RHBDD1: variants seen among roughly 807,000 people sequenced by gnomAD.
RHBDD1 encodes rhomboid-related protein 4.
RHBDD1 carries 38 observed loss-of-function variants against 36.3 expected under a neutral mutation model. That is an observed-to-expected ratio of 1.05 (90% confidence interval 0.81 to 1.37). The LOEUF (loss-of-function observed/expected upper bound fraction) is 1.37, where lower values mean the gene tolerates loss of function less well. Among genes scored for constraint, RHBDD1 ranks in the 40% most tolerant of loss-of-function variants. The pLI is 0.00. For synonymous variants in RHBDD1, 151 were observed against 136.5 expected (o/e 1.11, Z -0.74); for missense variants, 393 against 377.6 (o/e 1.04, Z -0.34).
chr2:226,975,814 G>A (rs1954462069), intron 8 of RHBDD1, among the ~76,000 whole-genome samples: 1 of 152,168 alleles, frequency 6.6e-6, no homozygotes, highest in African/African-American at 2.4e-5. Context: ...TGTTTGAAAA[G>A]AGATAATACA....
At chr2:226,951,311 G>A (rs1194133103) in intron 8 of RHBDD1, among the ~76,000 whole-genome samples, 1 of 152,048 alleles carries the variant, frequency 6.6e-6, no homozygotes, top group African/African-American at 2.4e-5. Flanking sequence ...ATACAATTCA[G>A]CGAATAACAA....
chr2:226,976,376 G>A (rs1954582914), intron 8 of RHBDD1, among the ~76,000 whole-genome samples: 2 of 151,292 alleles, frequency 1.3e-5, no homozygotes, highest in African/African-American at 4.9e-5. Flanking sequence ...GTCTGCTTCA[G>A]CTGCTTTGAC....
chr2:226,867,288 A>G lies in RHBDD1; in HGVS notation c.536A>G (p.Glu179Gly). 1 of 1,613,694 alleles carries G rather than the reference A, an allele frequency of 6.2e-7. No individual in the cohort carries two copies. Among genetic ancestry groups the G allele is most frequent in the Non-Finnish European group, 8.5e-7 (1 of 1,179,872 alleles). The change falls in exon 5 of 9, where the codon GAA becomes GGA. Residue 179 changes from glutamate (E) to glycine (G), a missense_variant. Transcript: ENST00000392062. Reference protein sequence around the residue: ...PVPNRFACWVELVAIHLFSPG... With the variant: ...PVPNRFACWVGLVAIHLFSPG... ...CCGAACAGATTTGCTTGTTGGGTCG[A>G]ACTTGTGGCTATTCATTTATTCTCA...
At chr2:226,956,422 G>A (rs1039825808) in intron 8 of RHBDD1, among the ~76,000 whole-genome samples, 4 of 152,136 alleles carry the variant, frequency 2.6e-5, no homozygotes, top group Non-Finnish European at 4.4e-5. Context: ...TGATTCCCCA[G>A]GAGACATGCA....
chr2:226,987,076 A>T (rs943558498), intron 8 of RHBDD1, among the ~76,000 whole-genome samples: 1 of 152,176 alleles, frequency 6.6e-6, no homozygotes, highest in African/African-American at 2.4e-5. Context: ...GTAACACAGG[A>T]ACAGAAAACC....
At chr2:226,803,892 G>C in the RHBDD1 span, 4 of 152,212 alleles carry the variant, frequency 2.6e-5, no homozygotes, top group African/African-American at 9.6e-5. Flanking sequence ...TTATAATGCA[G>C]GTTCTGGTTA....
At chr2:226,957,490 A>G (rs1951858366) in intron 8 of RHBDD1, among the ~76,000 whole-genome samples, 1 of 152,142 alleles carries the variant, frequency 6.6e-6, no homozygotes, top group African/African-American at 2.4e-5. Flanking sequence ...TGGGAGGCTA[A>G]GACATGAGAA....
rs147682470 is a variant in RHBDD1 at position 226,908,873 on chromosome 2, G to A, written c.707G>A (p.Ser236Asn). Residue 236 changes from serine (S) to asparagine (N), a missense_variant, in exon 7 of 9, where the codon AGT (serine) becomes AAT (asparagine). Transcript: ENST00000392062. The stretch of plus-strand genomic sequence containing the variant: ...CCAGGACGGCAATACTACTTTAATA[G>A]TTCAGGTAGGCACTGTATTTCATTT... ...GYPGRQYYFN[S>N]SGSSGYQDYY... 6.3e-6 allele frequency: 10 copies of A among 1,584,608 alleles called. No individual in the cohort carries two copies. In the African/African-American group the frequency reaches 1.3e-4, roughly 21 times the overall value.
At chr2:226,924,682 C>T (rs550084534) in intron 8 of RHBDD1, among the ~76,000 whole-genome samples, 34 of 152,318 alleles carry the variant, frequency 2.2e-4, no homozygotes, top group African/African-American at 7.7e-4. Context: ...TGATGGAACT[C>T]AGGTTCTGAC....
intron 8 of RHBDD1, among the ~76,000 whole-genome samples, chr2:226,952,830 G>A (rs919724552): frequency 6.6e-6 from 1 of 152,062 alleles, no homozygotes; most frequent in South Asian, 2.1e-4. Context: ...GAGAGGGGGT[G>A]GAGGGAACTA....
intron 7 of RHBDD1, among the ~76,000 whole-genome samples, chr2:226,910,430 A>T (rs975011571): frequency 2.0e-5 from 3 of 152,170 alleles, no homozygotes; most frequent in African/African-American, 7.2e-5. Context: ...ATGAGAGCAT[A>T]TGTATATCTT....
intron 5 of RHBDD1, among the ~76,000 whole-genome samples, chr2:226,884,074 A>T (rs767053603): frequency 6.6e-6 from 1 of 152,230 alleles, no homozygotes; most frequent in Admixed American, 6.5e-5. Context: ...AATATTCTCA[A>T]CTAATAAGAT....
At chr2:226,907,042 C>T (rs764572892) in intron 6 of RHBDD1, 161 bp downstream of exon 6, 5 of 712,248 alleles carry the variant, frequency 7.0e-6, no homozygotes, top group South Asian at 6.6e-5. Flanking sequence ...CAGTGCAGTT[C>T]CTTACATTGC....
intron 8 of RHBDD1, among the ~76,000 whole-genome samples, chr2:226,983,573 T>G (rs550009283): frequency 2.6e-5 from 4 of 152,324 alleles, no homozygotes; most frequent in Non-Finnish European, 5.9e-5. Context: ...CAGCAGAAGT[T>G]GCCAACTTTT....
chr2:226,896,990 A>T (rs186424899), intron 5 of RHBDD1, among the ~76,000 whole-genome samples: 2 of 152,206 alleles, frequency 1.3e-5, no homozygotes, highest in East Asian at 3.9e-4. Flanking sequence ...TTCAGTAGAG[A>T]TGGGGTTTCA....
chr2:226,859,416 T>C (rs1419137274), intron 3 of RHBDD1, among the ~76,000 whole-genome samples: 5 of 152,200 alleles, frequency 3.3e-5, no homozygotes, highest in Non-Finnish European at 7.4e-5. Flanking sequence ...TGGGAGGGTG[T>C]TCATAGGTTG....
chr2:226,887,198 G>A (rs777354773), intron 5 of RHBDD1, among the ~76,000 whole-genome samples: 2 of 152,038 alleles, frequency 1.3e-5, no homozygotes, highest in African/African-American at 4.8e-5. Context: ...TTTAAAAGTT[G>A]TTGACTAATA....
chr2:226,844,784 TGA>T (rs1942043059), intron 3 of RHBDD1, among the ~76,000 whole-genome samples: 1 of 152,186 alleles, frequency 6.6e-6, no homozygotes, highest in Non-Finnish European at 1.5e-5. Context: ...GTGTGGTTTA[TGA>T]GAGAAGAAAC....
the RHBDD1 span, chr2:226,805,149 T>C: frequency 2.0e-5 from 3 of 152,228 alleles, no homozygotes; most frequent in African/African-American, 7.2e-5. Context: ...TCTTAGACAA[T>C]GCCACTAATG....
Sources: allele counts gnomAD v4.1 joint callset (sites outside exome capture counted in the v4.1 genomes callset), GRCh38; gene constraint gnomAD v4.1.1; transcripts MANE v1.5; gene names NCBI Gene and HGNC (gene_info 2026-07-23, HGNC 2026-07-21).